Variants in ZNF385D observed in about 807,000 individuals in gnomAD.
The protein encoded by ZNF385D is zinc finger protein 659.
A neutral mutation model predicts 35.8 loss-of-function variants in ZNF385D; 15 were observed. The ratio of observed to expected loss-of-function variants is 0.42; its 90% CI spans 0.28 to 0.64. The LOEUF (loss-of-function observed/expected upper bound fraction) is 0.64. Ranked by LOEUF, ZNF385D falls within the 30% of genes least tolerant of loss-of-function variation. The pLI is 0.23. For synonymous variants in ZNF385D, 212 were observed against 186.8 expected (o/e 1.13, Z -1.10); for missense variants, 474 against 494.6 (o/e 0.96, Z 0.39).
chr3:22,164,306 G>A (rs1706171197), intron 3 of ZNF385D, among the ~76,000 whole-genome samples: 1 of 138,726 alleles, frequency 7.2e-6, no homozygotes, highest in Non-Finnish European at 1.5e-5. Flanking sequence ...TCGGCTCACT[G>A]CAACCTCTGC....
intron 2 of ZNF385D, among the ~76,000 whole-genome samples, chr3:22,243,947 C>T (rs1025642879): frequency 2.0e-5 from 3 of 150,644 alleles, no homozygotes; most frequent in Non-Finnish European, 4.4e-5. Flanking sequence ...TTATATATTT[C>T]TATTATATAT....
chr3:21,687,154 T>G (rs2067132080), intron 1 of ZNF385D, among the ~76,000 whole-genome samples: 1 of 151,998 alleles, frequency 6.6e-6, no homozygotes, highest in Non-Finnish European at 1.5e-5. Flanking sequence ...AGAACCCAGA[T>G]CCACAGTCAA....
intron 3 of ZNF385D, among the ~76,000 whole-genome samples, chr3:21,913,290 G>A (rs1226655699): frequency 6.6e-6 from 1 of 152,084 alleles, no homozygotes; most frequent in African/African-American, 2.4e-5. Flanking sequence ...CACCTGCAGA[G>A]TAGAGTACTT....
rs150684980 is a variant in ZNF385D at position 22,158,410 on chromosome 3, T to C, written c.325+10407A>G. 4.7e-4 allele frequency among the ~76,000 whole-genome samples: 72 copies of C among 152,206 alleles called. No individual in the cohort carries two copies. In the East Asian group the frequency reaches 0.011, roughly 23 times the overall value. The stretch of plus-strand genomic sequence containing the variant: ...TGTTTAGGTCCAGTGTTTTATCTCA[T>C]TTTTATCCCATTTCTTTTACTCTTC... On this transcript the variant is annotated intron_variant, in intron 3 of 5. Coordinates refer to the ZNF385D transcript ENST00000494108.
chr3:22,077,315 G>T (rs1302307417), intron 3 of ZNF385D, among the ~76,000 whole-genome samples: 1 of 151,796 alleles, frequency 6.6e-6, no homozygotes, highest in Non-Finnish European at 1.5e-5. Context: ...TCCATGCCTA[G>T]TTTTACCACT....
intron 3 of ZNF385D, among the ~76,000 whole-genome samples, chr3:22,017,187 C>A (rs1352878337): frequency 6.6e-6 from 1 of 151,886 alleles, no homozygotes; most frequent in Non-Finnish European, 1.5e-5. Context: ...AATTAAAACC[C>A]ATTTCTCTTC....
chr3:22,261,208 A>T (rs933620001), intron 2 of ZNF385D, among the ~76,000 whole-genome samples: 1 of 151,954 alleles, frequency 6.6e-6, no homozygotes, highest in Non-Finnish European at 1.5e-5. Flanking sequence ...CAGCAAAGTT[A>T]AGGGGTGAGA....
chr3:21,958,665 T>G (rs1702415690), intron 3 of ZNF385D, among the ~76,000 whole-genome samples: 1 of 152,156 alleles, frequency 6.6e-6, no homozygotes, highest in African/African-American at 2.4e-5. Context: ...CAAATTCTAT[T>G]ATAACTGCAT....
At chr3:22,343,647 A>G (rs73822150) in intron 2 of ZNF385D, among the ~76,000 whole-genome samples, 13,056 of 152,188 alleles carry the variant, frequency 0.086, 976 homozygotes, top group African/African-American at 0.2. Context: ...CTCACTCCCT[A>G]CTAATCTCAT....
At chr3:21,455,403 A>C (rs941454934) in intron 4 of ZNF385D, among the ~76,000 whole-genome samples, 1 of 152,244 alleles carries the variant, frequency 6.6e-6, no homozygotes, top group Non-Finnish European at 1.5e-5. Flanking sequence ...GACCAATGGA[A>C]CGGAACAGAG....
At chr3:21,812,239 A>G (rs867478683) in intron 3 of ZNF385D, among the ~76,000 whole-genome samples, 1 of 152,252 alleles carries the variant, frequency 6.6e-6, no homozygotes, top group South Asian at 2.1e-4. Context: ...CGGTTCCAAG[A>G]TGGTCGAATA....
chr3:22,123,870 C>A (rs1308427172), intron 3 of ZNF385D, among the ~76,000 whole-genome samples: 14 of 147,292 alleles, frequency 9.5e-5, no homozygotes, highest in African/African-American at 3.6e-4. Flanking sequence ...CTCAGAAAAA[C>A]CAAACCAAAC....
chr3:22,142,968 G>T (rs573692006), intron 3 of ZNF385D, among the ~76,000 whole-genome samples: 1 of 151,760 alleles, frequency 6.6e-6, no homozygotes, highest in East Asian at 1.9e-4. Context: ...CTGCCCGTAA[G>T]TTTGAATGAG....
At chr3:21,608,362 TTTC>T (rs913837714) in intron 2 of ZNF385D, among the ~76,000 whole-genome samples, 1 of 152,180 alleles carries the variant, frequency 6.6e-6, no homozygotes, top group Admixed American at 6.5e-5. Context: ...GTTAGTAAAA[TTTC>T]TTGTTAGCTA....
rs61668943 is a variant in ZNF385D at position 22,180,914 on chromosome 3, C to CTTTT, written c.107-11883_107-11880dup. On this transcript the variant is annotated intron_variant, in intron 2 of 5. Transcript: ENST00000494108. ...AATCCAGTAGCTATATGCTTTTGTT[C>CTTTT]TTTTTTTTTTTTTTTTAAGAGACAG... Among the ~76,000 whole-genome samples, 810 of 112,956 alleles carry CTTTT rather than the reference C, an allele frequency of 7.2e-3. 65 individuals are homozygous for CTTTT. The highest frequency in any genetic ancestry group is 0.032 in the African/African-American group (750 of 23,788). The allele number at this position is 112,956 out of a possible 152,430, so 74.1% of individuals were successfully genotyped here. A position where few individuals can be genotyped will look rare whatever the true frequency, so the allele number is the denominator to read the frequency against.
Position 22,347,940 on chromosome 3 carries a change from T to C in ZNF385D, c.106+24510A>G, listed in dbSNP as rs569910388. The stretch of plus-strand genomic sequence containing the variant: ...ATATCTAGAGTTGCCTTCAATATGA[T>C]TGCTTTTTCTTGTTTCACCTGAAAT... On this transcript the variant is annotated intron_variant, in intron 2 of 5. Coordinates refer to the ZNF385D transcript ENST00000494108. Among the ~76,000 whole-genome samples, 11 of 152,302 alleles carry C rather than the reference T, an allele frequency of 7.2e-5. No individual in the cohort carries two copies. In the South Asian group the frequency reaches 1.9e-3, roughly 26 times the overall value.
chr3:21,670,593 G>T (rs933777084), intron 1 of ZNF385D, among the ~76,000 whole-genome samples: 1 of 124,774 alleles, frequency 8.0e-6, no homozygotes, highest in Non-Finnish European at 1.6e-5. Context: ...CTACTAATAA[G>T]AAGTCGAAAA....
intron 3 of ZNF385D, among the ~76,000 whole-genome samples, chr3:21,781,691 C>T (rs115670432): frequency 3.1e-4 from 47 of 151,994 alleles, no homozygotes; most frequent in Non-Finnish European, 5.2e-4. Flanking sequence ...TAAACAAACA[C>T]GTAAGTCTTG....
intron 3 of ZNF385D, among the ~76,000 whole-genome samples, chr3:21,797,022 T>G (rs1416388888): frequency 6.6e-6 from 1 of 152,146 alleles, no homozygotes; most frequent in Non-Finnish European, 1.5e-5. Flanking sequence ...TCATTAAAAT[T>G]AAGAATTCCT....
Sources: allele counts gnomAD v4.1 joint callset (sites outside exome capture counted in the v4.1 genomes callset), GRCh38; gene constraint gnomAD v4.1.1; transcripts MANE v1.5; gene names NCBI Gene and HGNC (gene_info 2026-07-23, HGNC 2026-07-21).